The following IPCEF1 variants were observed in gnomAD, a reference collection of about 807,000 sequenced individuals.
IPCEF1 encodes the protein interaction protein for cytohesin exchange factors 1.
Under a neutral mutation model 50.9 loss-of-function variants are expected in IPCEF1, and 31 were observed. That is an observed-to-expected ratio of 0.61 (90% CI 0.46 to 0.82). IPCEF1 has a LOEUF of 0.82. Among genes scored for constraint, IPCEF1 ranks in the 40% least tolerant of loss-of-function variants. The pLI is 0.00. For synonymous variants in IPCEF1, 181 were observed against 192.0 expected (o/e 0.94, Z 0.47); for missense variants, 458 against 514.0 (o/e 0.89, Z 1.05).
intron 3 of IPCEF1, among the ~76,000 whole-genome samples, chr6:154,256,796 C>G (rs1374977326): frequency 6.6e-6 from 1 of 152,114 alleles, no homozygotes; most frequent in Non-Finnish European, 1.5e-5. Flanking sequence ...AGTACAAAAG[C>G]AAAAGCAGTA....
chr6:154,304,343 C>T (rs780363584), intron 1 of IPCEF1, among the ~76,000 whole-genome samples: 6 of 152,120 alleles, frequency 3.9e-5, no homozygotes, highest in South Asian at 2.1e-4. Flanking sequence ...AGTATTCGTG[C>T]CAATTTTTTC....
At chr6:154,332,154 G>A (rs1783686666) in intron 1 of IPCEF1, among the ~76,000 whole-genome samples, 1 of 152,080 alleles carries the variant, frequency 6.6e-6, no homozygotes, top group African/African-American at 2.4e-5. Flanking sequence ...TCTCACCAAT[G>A]AAACTCCGCC....
At position 154,193,452 on chromosome 6, in the gene IPCEF1, C is replaced by T. The variant is rs558765408; in HGVS notation, c.910+6216G>A. Among the ~76,000 whole-genome samples, 16 of 152,260 alleles carry T rather than the reference C, an allele frequency of 1.1e-4. 1 individual carries two copies. The South Asian group carries it at 2.9e-3, about 28-fold the overall frequency. ...AATCTCAGAAATCACCACTGAAGAA[C>T]TCATTCATGTAACCACACAACACCA... On this transcript the variant is annotated intron_variant, in intron 10 of 11. Transcript: ENST00000367220.
chr6:154,336,289 T>C (rs1265572693), intron 1 of IPCEF1, among the ~76,000 whole-genome samples: 2 of 152,150 alleles, frequency 1.3e-5, no homozygotes, highest in Admixed American at 1.3e-4. Flanking sequence ...AATGGACAAA[T>C]AGATGAAGAA....
chr6:154,240,573 C>G (rs1204898662), intron 5 of IPCEF1, among the ~76,000 whole-genome samples: 1 of 151,598 alleles, frequency 6.6e-6, no homozygotes, highest in Non-Finnish European at 1.5e-5. Flanking sequence ...ATAGCTGTCT[C>G]ATGAAAAGAG....
At chr6:154,321,236 G>A (rs1395487408) in intron 1 of IPCEF1, among the ~76,000 whole-genome samples, 2 of 151,950 alleles carry the variant, frequency 1.3e-5, no homozygotes, top group African/African-American at 2.4e-5. Flanking sequence ...CAGCCTATAT[G>A]TATATACATG....
rs185842147 is a variant in IPCEF1, at chr6:154,328,649, T to G, written c.-62+28023A>C. 3.2e-4 allele frequency among the ~76,000 whole-genome samples: 49 copies of G among 152,296 alleles called. No individual in the cohort carries two copies. In the East Asian group the frequency reaches 7.9e-3, roughly 25 times the overall value. On this transcript the variant is annotated intron_variant, in intron 1 of 11. Transcript: ENST00000367220. ...AATGGAGAACTTTTTTTGCTTAACTTTTTAATCTTTCTCTCTCTCCTCTTT... is the reference window on the plus strand; with the variant it reads ...AATGGAGAACTTTTTTTGCTTAACTGTTTAATCTTTCTCTCTCTCCTCTTT...
chr6:154,159,661 C>T lies in IPCEF1; in HGVS notation c.*167G>A. 1 of 629,538 alleles carries T rather than the reference C, an allele frequency of 1.6e-6. No homozygotes were observed. Among genetic ancestry groups the T allele is most frequent in the South Asian group, 1.9e-5 (1 of 52,370 alleles). The allele number at this position is 629,538 out of a possible 1,614,324, so 39.0% of individuals were successfully genotyped here. On this transcript the variant is annotated 3_prime_UTR_variant, in exon 12 of 12. Transcript: ENST00000367220. ...ATGCGTTACGACTGAAATGAGGAGC[C>T]CTGGTGTATTCGGTGATTATCTTCA...
At chr6:154,355,175 A>G (rs546211018) in intron 1 of IPCEF1, among the ~76,000 whole-genome samples, 1 of 152,338 alleles carries the variant, frequency 6.6e-6, no homozygotes, top group African/African-American at 2.4e-5. Context: ...TCAAAAGGAA[A>G]GTCTCAGGCA....
chr6:154,295,806 T>C (rs1782634947), intron 1 of IPCEF1, among the ~76,000 whole-genome samples: 2 of 152,072 alleles, frequency 1.3e-5, no homozygotes, highest in African/African-American at 4.8e-5. Flanking sequence ...GCCTCTGTCC[T>C]GAACTGTCTG....
intron 5 of IPCEF1, among the ~76,000 whole-genome samples, chr6:154,243,025 T>C (rs1259543777): frequency 1.3e-5 from 2 of 152,162 alleles, no homozygotes; most frequent in African/African-American, 2.4e-5. Context: ...ATAAGTTTGA[T>C]GGAATTGGAT....
rs779459706 is a variant in IPCEF1 at position 154,199,679 on chromosome 6, A to G, written c.899T>C (p.Ile300Thr). The change falls in exon 10 of 12, where the codon ATC becomes ACC. Residue 300 changes from isoleucine (I) to threonine (T), a missense_variant. Transcript: ENST00000367220. ...ATTTATTGGTTTACCTTTGTCCATG[A>G]TCTTTGATCCAGCAGGCTTATCTGG... ...TVPDKPAGSK[I>T]MDKEETKVSE... is the part of the protein sequence containing the mutation. The G allele has an allele frequency of 3.1e-6, 5 of 1,606,286 alleles. No homozygotes were observed. The highest frequency in any genetic ancestry group is 4.3e-6 in the Non-Finnish European group (5 of 1,175,268).
At chr6:154,332,955 G>A (rs901100024) in intron 1 of IPCEF1, among the ~76,000 whole-genome samples, 1 of 152,150 alleles carries the variant, frequency 6.6e-6, no homozygotes, top group Non-Finnish European at 1.5e-5. Flanking sequence ...CTTGGTCAGA[G>A]AGAATCGAAA....
At chr6:154,309,908 C>T (rs964083147) in intron 1 of IPCEF1, among the ~76,000 whole-genome samples, 5 of 151,788 alleles carry the variant, frequency 3.3e-5, no homozygotes, top group South Asian at 2.1e-4. Context: ...GGATTACAGG[C>T]GCATGCCACC....
chr6:154,247,285 T>C (rs2128643834), intron 4 of IPCEF1, 164 bp downstream of exon 4: 1 of 591,792 alleles, frequency 1.7e-6, no homozygotes, highest in East Asian at 2.7e-5. Flanking sequence ...CATGTCGTCA[T>C]TTCTTAAAAT....
intron 3 of IPCEF1, among the ~76,000 whole-genome samples, chr6:154,255,598 T>A (rs1562568328): frequency 6.6e-6 from 1 of 152,238 alleles, no homozygotes; most frequent in Non-Finnish European, 1.5e-5. Context: ...TTTTAAAAGG[T>A]CTTCAAATCA....
At chr6:154,214,376 C>T in intron 7 of IPCEF1, 100 bp from the exon 8 acceptor site, 1 of 833,996 alleles carries the variant, frequency 1.2e-6, no homozygotes, top group East Asian at 2.4e-5. Flanking sequence ...ATGATTCTAC[C>T]ATCAGTCTGC....
In IPCEF1 at chr6:154,290,744, C is replaced by G. The variant is rs1404561268; in HGVS notation, c.-61-988G>C. 3.9e-5 allele frequency among the ~76,000 whole-genome samples: 6 copies of G among 152,104 alleles called. No individual in the cohort carries two copies. The East Asian group carries it at 9.6e-4, about 24-fold the overall frequency. Reference sequence around the variant, plus strand: ...TGAGATCCTCAACATTTAATTTTTTCTAAAGAGGACAGTAAAAATAATGTT... The same window carrying G: ...TGAGATCCTCAACATTTAATTTTTTGTAAAGAGGACAGTAAAAATAATGTT... On this transcript the variant is annotated intron_variant, in intron 1 of 11. Coordinates refer to ENST00000367220, the MANE Select transcript of IPCEF1 (RefSeq NM_001130700.2).
At chr6:154,290,893 C>CTGTTTTTTTTTTT (rs1782497013) in intron 1 of IPCEF1, among the ~76,000 whole-genome samples, 1 of 127,296 alleles carries the variant, frequency 7.9e-6, no homozygotes, top group African/African-American at 3.2e-5. Flanking sequence ...AATATATTGC[C>CTGTTTTTTTTTTT]TTTTTTTTTT....
Sources: gnomAD v4.1 joint callset for allele counts (sites outside exome capture counted in the v4.1 genomes callset) on GRCh38, gnomAD v4.1.1 for gene constraint, MANE v1.5 for transcripts, NCBI Gene and HGNC (gene_info 2026-07-23, HGNC 2026-07-21) for gene names.